CFAP44: variants seen among roughly 807,000 people sequenced by gnomAD.
CFAP44 encodes cilia and flagella associated protein 44, also known as cilia- and flagella-associated protein 44.
Under a neutral mutation model 216.2 loss-of-function variants are expected in CFAP44, and 134 were observed. That is an observed-to-expected ratio of 0.62 (90% CI 0.54 to 0.72). CFAP44 has a LOEUF of 0.72. Ranked by LOEUF, CFAP44 falls within the 30% of genes least tolerant of loss-of-function variation. The pLI, the probability that CFAP44 is intolerant of heterozygous loss-of-function variation, is 0.00. For missense variants in CFAP44, 2,035 were observed against 2,182.1 expected (o/e 0.93, Z 1.34); for synonymous variants, 700 against 727.6 (o/e 0.96, Z 0.61).
chr3:113,328,865 G>A (rs567336988), intron 26 of CFAP44, among the ~76,000 whole-genome samples: 1 of 152,194 alleles, frequency 6.6e-6, no homozygotes, highest in African/African-American at 2.4e-5. Context: ...CTCCAAGTCT[G>A]TAAGGATTAC....
At chr3:113,365,684 C>G (rs1342903443) in intron 19 of CFAP44, among the ~76,000 whole-genome samples, 1 of 151,882 alleles carries the variant, frequency 6.6e-6, no homozygotes, top group Non-Finnish European at 1.5e-5. Flanking sequence ...TCAGCCCTTA[C>G]AACGAGTGAA....
At chr3:113,439,340 T>G (rs1261745344) in intron 1 of CFAP44, among the ~76,000 whole-genome samples, 1 of 152,094 alleles carries the variant, frequency 6.6e-6, no homozygotes, top group African/African-American at 2.4e-5. Flanking sequence ...CCCAAAAGAC[T>G]GCAAAGACCA....
At chr3:113,297,049 T>A in intron 32 of CFAP44, 164 bp from the exon 33 acceptor site, 1 of 841,174 alleles carries the variant, frequency 1.2e-6, no homozygotes, top group Non-Finnish European at 1.9e-6. Context: ...TTTCCTCATT[T>A]AAAAATGCCC....
At chr3:113,375,039 G>A (rs770757205) in intron 17 of CFAP44, among the ~76,000 whole-genome samples, 6 of 152,118 alleles carry the variant, frequency 3.9e-5, no homozygotes, top group Non-Finnish European at 5.9e-5. Context: ...GCTGCATCAC[G>A]GATGAAACTT....
At chr3:113,386,128 C>T (rs1933644187) in intron 15 of CFAP44, among the ~76,000 whole-genome samples, 1 of 152,040 alleles carries the variant, frequency 6.6e-6, no homozygotes, top group South Asian at 2.1e-4. Flanking sequence ...TTCTGGTGGA[C>T]TTATCTTTTA....
At chr3:113,393,954 C>G (rs1933920990) in intron 15 of CFAP44, among the ~76,000 whole-genome samples, 1 of 152,180 alleles carries the variant, frequency 6.6e-6, no homozygotes. Flanking sequence ...GTATAGCCTG[C>G]AAAGCCATGA....
At chr3:113,394,251 A>G (rs1933927788) in intron 15 of CFAP44, among the ~76,000 whole-genome samples, 1 of 152,178 alleles carries the variant, frequency 6.6e-6, no homozygotes, top group African/African-American at 2.4e-5. Flanking sequence ...ATTAAGACAC[A>G]AAACTATACC....
At chr3:113,404,405 C>A (rs979943469) in intron 8 of CFAP44, among the ~76,000 whole-genome samples, 1 of 152,126 alleles carries the variant, frequency 6.6e-6, no homozygotes, top group Non-Finnish European at 1.5e-5. Context: ...AAGGCCAGTA[C>A]TGAATTAAGT....
chr3:113,412,853 C>T (rs549165978), intron 6 of CFAP44, among the ~76,000 whole-genome samples: 2 of 152,204 alleles, frequency 1.3e-5, no homozygotes, highest in African/African-American at 4.8e-5. Context: ...TGTCTCTTTA[C>T]AGCAGAATGA....
At position 113,363,221 on chromosome 3, in the gene CFAP44, T is replaced by C; in HGVS notation, c.2858A>G (p.Lys953Arg). Reference sequence around the variant, plus strand: ...ATTACAAAATTCACTCCTCAAAGCTTTGATTTGCTCTCTCTTCCGTGCCTT... The same window carrying C: ...ATTACAAAATTCACTCCTCAAAGCTCTGATTTGCTCTCTCTTCCGTGCCTT... ...EIKARKREQI[K>R]ALRSEFCNLL... The change falls in exon 21 of 35, where the codon AAA becomes AGA. Residue 953 changes from lysine to arginine, a missense_variant. By Grantham distance (26) the Lys-to-Arg change is conservative. Around this residue, in one of 3 missense-constraint regions of CFAP44, gnomAD observed 1,883 missense variants for 2,023.7 expected, o/e 0.93. Transcript: ENST00000393845. The C allele has an allele frequency of 6.2e-7, 1 of 1,613,618 alleles. No individual in the cohort carries two copies. The highest frequency in any genetic ancestry group is 1.3e-5 in the African/African-American group (1 of 75,046).
intron 9 of CFAP44, among the ~76,000 whole-genome samples, chr3:113,403,435 T>A (rs1934193813): frequency 6.6e-6 from 1 of 152,186 alleles, no homozygotes; most frequent in Non-Finnish European, 1.5e-5. Context: ...GCAAACTCCA[T>A]CAGTTCACCT....
At chr3:113,440,488 A>AACAG (rs1188650114) in intron 1 of CFAP44, among the ~76,000 whole-genome samples, 123 of 152,286 alleles carry the variant, frequency 8.1e-4, no homozygotes, top group African/African-American at 2.8e-3. Flanking sequence ...ATGATTTCCA[A>AACAG]GTCCTGTTAC....
chr3:113,376,836 T>C (rs1490824168), intron 17 of CFAP44, among the ~76,000 whole-genome samples: 1 of 152,164 alleles, frequency 6.6e-6, no homozygotes, highest in Non-Finnish European at 1.5e-5. Flanking sequence ...TACTAGAGCA[T>C]GTTTGTATGC....
At chr3:113,340,466 G>A (rs1263042439) in intron 24 of CFAP44, among the ~76,000 whole-genome samples, 1 of 152,234 alleles carries the variant, frequency 6.6e-6, no homozygotes, top group African/African-American at 2.4e-5. Context: ...GGTTTCGAAA[G>A]AGAGGCAGAC....
rs550376380 is a variant in CFAP44 at position 113,440,471 on chromosome 3, C to T, written c.-6+982G>A. Among the ~76,000 whole-genome samples the T allele has an allele frequency of 3.3e-5, 5 of 152,316 alleles. No individual in the cohort carries two copies. The South Asian group carries it at 1.0e-3, about 32-fold the overall frequency. On this transcript the variant is annotated intron_variant, in intron 1 of 34. Transcript: ENST00000393845. ...CTGAATCCGTTCCTCTCACCCAATTCATGTAGATGATTTCCAAGTCCTGTT... is the reference window on the plus strand; with the variant it reads ...CTGAATCCGTTCCTCTCACCCAATTTATGTAGATGATTTCCAAGTCCTGTT...
intron 24 of CFAP44, among the ~76,000 whole-genome samples, chr3:113,336,157 A>G (rs1276872438): frequency 1.2e-4 from 18 of 152,278 alleles, no homozygotes; most frequent in Non-Finnish European, 2.9e-5. Context: ...ACACATTAAG[A>G]AGCAAGAAAC....
intron 6 of CFAP44, among the ~76,000 whole-genome samples, chr3:113,412,805 G>A (rs1229229550): frequency 6.6e-6 from 1 of 152,098 alleles, no homozygotes; most frequent in African/African-American, 2.4e-5. Context: ...CCACGTCTTT[G>A]CTATTGTAAA....
chr3:113,404,066 C>T (rs1326142557), intron 8 of CFAP44, 50 bp from the exon 9 acceptor site: 1 of 1,476,482 alleles, frequency 6.8e-7, no homozygotes, highest in African/African-American at 1.4e-5. Context: ...GGTAAGTGTA[C>T]ATATTTATGC....
intron 11 of CFAP44, 91 bp downstream of exon 11, chr3:113,401,149 A>G: frequency 1.6e-6 from 2 of 1,224,774 alleles, no homozygotes; most frequent in Non-Finnish European, 2.3e-6. Flanking sequence ...CCATGATGAA[A>G]TATGGAGAAA....
Sources: gnomAD v4.1 joint callset for allele counts (sites outside exome capture counted in the v4.1 genomes callset) on GRCh38, gnomAD v4.1.1 for gene constraint, gnomAD v4.1.1 regional missense constraint, MANE v1.5 for transcripts, NCBI Gene and HGNC (gene_info 2026-07-23, HGNC 2026-07-21) for gene names.